The following FBN2 variants were observed in gnomAD, a reference collection of about 807,000 sequenced individuals.
FBN2 encodes fibrillin-2.
A neutral mutation model predicts 355.6 loss-of-function variants in FBN2; 105 were observed. The observed-to-expected ratio is 0.30, with a 90% CI of 0.25 to 0.35. The LOEUF (loss-of-function observed/expected upper bound fraction) is 0.35, where lower values mean the gene tolerates loss of function less well. Among genes scored for constraint, FBN2 ranks in the 10% least tolerant of loss-of-function variants. FBN2 has a pLI of 1.00. For synonymous variants in FBN2, 1,350 were observed against 1,301.2 expected, an observed-to-expected ratio of 1.04 and a Z score of -0.81; for missense variants, 3,280 against 3,758.7, an observed-to-expected ratio of 0.87 and a Z score of 3.33.
chr5:128,345,205 T>C, intron 24 of FBN2, 152 bp downstream of exon 24: 1 of 720,948 alleles, frequency 1.4e-6, no homozygotes, highest in Non-Finnish European at 2.5e-6. Flanking sequence ...AGGGGATTTA[T>C]ACTCTTGGGA....
chr5:128,277,355 C>T (rs1410635735), intron 58 of FBN2, among the ~76,000 whole-genome samples: 2 of 152,164 alleles, frequency 1.3e-5, no homozygotes, highest in African/African-American at 4.8e-5. Context: ...GGATTCTGTA[C>T]TGAGACTGCT....
At chr5:128,503,345 T>C (rs1306025960) in intron 5 of FBN2, among the ~76,000 whole-genome samples, 1 of 152,156 alleles carries the variant, frequency 6.6e-6, no homozygotes, top group Admixed American at 6.5e-5. Flanking sequence ...TAAATTGTTA[T>C]CAGATAGTGG....
At chr5:128,280,118 TG>T in intron 56 of FBN2, 73 bp downstream of exon 56, 1 of 1,214,564 alleles carries the variant, frequency 8.2e-7, no homozygotes, top group Non-Finnish European at 1.2e-6. Flanking sequence ...AATATATATG[TG>T]GAGCTCTTCT....
intron 64 of FBN2, among the ~76,000 whole-genome samples, chr5:128,260,605 T>C (rs1024178630): frequency 6.6e-6 from 1 of 152,272 alleles, no homozygotes; most frequent in Non-Finnish European, 1.5e-5. Flanking sequence ...TGGGAAAGTT[T>C]ATAAGCAGAA....
chr5:128,501,109 A>C (rs1259447691), intron 5 of FBN2, among the ~76,000 whole-genome samples: 1 of 152,218 alleles, frequency 6.6e-6, no homozygotes, highest in African/African-American at 2.4e-5. Flanking sequence ...CAGAAAACTA[A>C]CACCAAGCAA....
rs199690802 is a variant in FBN2 at position 128,310,402 on chromosome 5, A to ATTT, written c.5075-297_5075-295dup. Among the ~76,000 whole-genome samples, 27 of 23,284 alleles carry ATTT rather than the reference A, an allele frequency of 1.2e-3. 1 individual carries two copies. The highest frequency in any genetic ancestry group is 1.8e-3 in the Non-Finnish European group (23 of 12,900). 15.3% of individuals were successfully genotyped at this position (23,284 alleles called of 152,430 possible). On this transcript the variant is annotated intron_variant, in intron 39 of 64. Coordinates refer to ENST00000262464, the MANE Select transcript of FBN2 (RefSeq NM_001999.4). ...TATATATATATATATATATATATAT[A>ATTT]TTTTTTTTTTTTTTTTTTTATTGCA...
intron 5 of FBN2, among the ~76,000 whole-genome samples, chr5:128,511,550 T>C (rs1357067134): frequency 6.6e-6 from 1 of 152,204 alleles, no homozygotes; most frequent in African/African-American, 2.4e-5. Flanking sequence ...CGTCTTCCAT[T>C]ATGCTGCACT....
Position 128,288,547 on chromosome 5 carries a change from C to T in FBN2, c.6648G>A (p.Glu2216=), listed in dbSNP as rs1448154027. 6.2e-7 allele frequency: 1 copy of T among 1,613,734 alleles called. No homozygotes were observed. The highest frequency in any genetic ancestry group is 8.5e-7 in the Non-Finnish European group (1 of 1,179,930). Residue 2216 remains glutamate, a synonymous_variant, in exon 53 of 65, where the codon GAG becomes GAA. Transcript: ENST00000262464. ...YTGVRCVDTD[E]CSIGNPCGNG... ...TTCCACACGGATTGCCGATTGAACA[C>T]TCATCAGTATCTGAAAAAGAAGAAT...
At chr5:128,528,848 G>A (rs1756636045) in intron 3 of FBN2, among the ~76,000 whole-genome samples, 4 of 152,208 alleles carry the variant, frequency 2.6e-5, no homozygotes, top group South Asian at 4.1e-4. Context: ...TGAAGAGGGC[G>A]AGAGTCTGGG....
chr5:128,444,653 G>A (rs537786706), intron 7 of FBN2, among the ~76,000 whole-genome samples: 52 of 152,312 alleles, frequency 3.4e-4, no homozygotes, highest in African/African-American at 1.2e-3. Context: ...TGGTGCCTAC[G>A]TGCTATCAAT....
intron 62 of FBN2, among the ~76,000 whole-genome samples, chr5:128,263,981 C>T (rs943973071): frequency 6.6e-6 from 1 of 152,112 alleles, no homozygotes; most frequent in Non-Finnish European, 1.5e-5. Flanking sequence ...GCTTATATCT[C>T]GGGCAAATCC....
intron 7 of FBN2, among the ~76,000 whole-genome samples, chr5:128,410,460 A>G (rs1753034178): frequency 6.6e-6 from 1 of 152,124 alleles, no homozygotes; most frequent in African/African-American, 2.4e-5. Flanking sequence ...AAGAACTAAA[A>G]CTTGCCTTCT....
chr5:128,486,958 A>G (rs1478628117), intron 5 of FBN2, among the ~76,000 whole-genome samples: 2 of 152,204 alleles, frequency 1.3e-5, no homozygotes, highest in Non-Finnish European at 2.9e-5. Flanking sequence ...TGCAACTCTT[A>G]GAATGGCTAG....
intron 5 of FBN2, among the ~76,000 whole-genome samples, chr5:128,470,907 T>C (rs551982563): frequency 1.7e-3 from 253 of 152,300 alleles, no homozygotes; most frequent in African/African-American, 5.7e-3. Context: ...AGTTGTGCAA[T>C]GGAATGACAA....
intron 18 of FBN2, among the ~76,000 whole-genome samples, chr5:128,363,774 C>A (rs542787132): frequency 3.1e-4 from 47 of 152,284 alleles, no homozygotes; most frequent in African/African-American, 1.1e-3. Flanking sequence ...GCCTGGTACT[C>A]TTCCCTGTAG....
At chr5:128,514,724 G>C (rs150156258) in intron 5 of FBN2, among the ~76,000 whole-genome samples, 1 of 152,080 alleles carries the variant, frequency 6.6e-6, no homozygotes, top group East Asian at 1.9e-4. Flanking sequence ...TGCAGTGTAC[G>C]TTATAGTCTC....
In FBN2 at chr5:128,310,027, C is replaced by A; in HGVS notation, c.5156G>T (p.Cys1719Phe). 6.2e-7 allele frequency: 1 copy of A among 1,613,672 alleles called. No homozygotes were observed. The highest frequency in any genetic ancestry group is 1.1e-5 in the South Asian group (1 of 91,080). Residue 1719 changes from cysteine (C) to phenylalanine (F), a missense_variant, in exon 40 of 65, where the codon TGC becomes TTC. By Grantham distance (205) the Cys-to-Phe change is radical. Transcript: ENST00000262464. ...ATTGACCTGCATGTACTCAGGTGGGCAAATGCAGGTGTAATTTCCCAGGGT... is the reference window on the plus strand; with the variant it reads ...ATTGACCTGCATGTACTCAGGTGGGAAAATGCAGGTGTAATTTCCCAGGGT... Reference protein sequence around the residue: ...YNTLGNYTCICPPEYMQVNGG... With the variant: ...YNTLGNYTCIFPPEYMQVNGG...
Position 128,276,885 on chromosome 5 carries a change from C to T in FBN2, c.7472-725G>A, listed in dbSNP as rs1257822733. 4.6e-5 allele frequency among the ~76,000 whole-genome samples: 7 copies of T among 152,188 alleles called. No homozygotes were observed. In the East Asian group the frequency reaches 5.8e-4, roughly 13 times the overall value. ...CACTACGCCTCCTGGCTTTTGTGCA[C>T]ACTGCTCACACGTGTATAGACAGTC... On this transcript the variant is annotated intron_variant, in intron 58 of 64. Coordinates refer to ENST00000262464, the MANE Select transcript of FBN2 (RefSeq NM_001999.4).
At chr5:128,288,707 G>T in intron 52 of FBN2, 150 bp from the exon 53 acceptor site, 1 of 843,488 alleles carries the variant, frequency 1.2e-6, no homozygotes, top group Non-Finnish European at 2.0e-6. Flanking sequence ...CTGGCTGGCA[G>T]CTATGTAGTG....
Sources: allele counts gnomAD v4.1 joint callset (sites outside exome capture counted in the v4.1 genomes callset), GRCh38; gene constraint gnomAD v4.1.1; transcripts MANE v1.5; gene names NCBI Gene and HGNC (gene_info 2026-07-23, HGNC 2026-07-21).